Variants in ZNF544 observed in about 807,000 individuals in gnomAD.
The protein encoded by ZNF544 is zinc finger protein AF020591.
Under a neutral mutation model 13.5 loss-of-function variants are expected in ZNF544, and 10 were observed. The ratio of observed to expected loss-of-function variants is 0.74; its 90% CI spans 0.46 to 1.25. The LOEUF (loss-of-function observed/expected upper bound fraction) is 1.25. Among genes scored for constraint, ZNF544 ranks in the 50% most tolerant of loss-of-function variants. The pLI, the probability that ZNF544 is intolerant of heterozygous loss-of-function variation, is 0.00. For missense variants in ZNF544, 896 were observed against 845.6 expected, an observed-to-expected ratio of 1.06 and a Z score of -0.74; for synonymous variants, 323 against 300.5, an observed-to-expected ratio of 1.07 and a Z score of -0.77.
chr19:58,240,232 A>T (rs1252258422), intron 3 of ZNF544, among the ~76,000 whole-genome samples: 1 of 151,650 alleles, frequency 6.6e-6, no homozygotes, highest in African/African-American at 2.4e-5. Context: ...GGTTACAGCC[A>T]GTCAAGGATC....
intron 5 of ZNF544, among the ~76,000 whole-genome samples, chr19:58,269,247 C>A (rs561524415): frequency 1.3e-5 from 2 of 151,848 alleles, no homozygotes; most frequent in South Asian, 4.2e-4. Context: ...CCAGCCTGGC[C>A]GACATTGTGA....
At chr19:58,251,828 T>C (rs2046341726) in intron 6 of ZNF544, among the ~76,000 whole-genome samples, 2 of 152,178 alleles carry the variant, frequency 1.3e-5, no homozygotes, top group Admixed American at 1.3e-4. Flanking sequence ...ATTTTAGAGT[T>C]AGCTAAGCTC....
At chr19:58,271,994 C>G (rs770268665) in intron 5 of ZNF544, among the ~76,000 whole-genome samples, 1 of 151,618 alleles carries the variant, frequency 6.6e-6, no homozygotes, top group Non-Finnish European at 1.5e-5. Context: ...AAACCCTGTC[C>G]CCACTAAAAA....
chr19:58,246,536 T>C (rs2045259309), intron 5 of ZNF544, 109 bp downstream of exon 5: 1 of 1,534,352 alleles, frequency 6.5e-7, no homozygotes, highest in African/African-American at 1.4e-5. Context: ...GCAGGTCCCT[T>C]TCAGGTGCAG....
intron 3 of ZNF544, among the ~76,000 whole-genome samples, chr19:58,241,324 TTGAG>T (rs2043807581): frequency 6.7e-6 from 1 of 150,192 alleles, no homozygotes. Context: ...CTTTGTTCTT[TTGAG>T]TAAGTTTAAT....
rs902896144 is a variant in ZNF544, at chr19:58,260,876, T to C, written c.270T>C (p.Asn90=). The C allele has an allele frequency of 6.2e-6, 10 of 1,607,414 alleles. No individual in the cohort carries two copies. Among genetic ancestry groups the C allele is most frequent in the Admixed American group, 3.4e-5 (2 of 58,498 alleles). Reference sequence around the variant, plus strand: ...ACTGGAAAGCTACCCTTGAGGAGAATAGGTTGAATTCTGAAAAAGATCGAG... The same window carrying C: ...ACTGGAAAGCTACCCTTGAGGAGAACAGGTTGAATTCTGAAAAAGATCGAG... ...PRDWKATLEE[N]RLNSEKDRAR... is the part of the protein sequence containing the mutation. The change falls in exon 7 of 7, where the codon AAT becomes AAC. Residue 90 remains asparagine (N), a synonymous_variant. Coordinates refer to ENST00000687789, the MANE Select transcript of ZNF544 (RefSeq NM_014480.4).
chr19:58,253,356 TG>T (rs2046624203), intron 6 of ZNF544, among the ~76,000 whole-genome samples: 1 of 152,222 alleles, frequency 6.6e-6, no homozygotes, highest in African/African-American at 2.4e-5. Flanking sequence ...ATTTGCTCAC[TG>T]AAAAAAAGCC....
In ZNF544 at chr19:58,261,805, G is replaced by A. The variant is rs768081212; in HGVS notation, c.1199G>A (p.Arg400Lys). Residue 400 changes from arginine to lysine, a missense_variant, in exon 7 of 7, where the codon AGG (arginine) becomes AAG (lysine). By Grantham distance (26) the Arg-to-Lys change is conservative. Coordinates refer to ENST00000687789, the MANE Select transcript of ZNF544 (RefSeq NM_014480.4). ...SQSYDLVIHQ[R>K]THTGEKPYEC... ...AGCTATGACCTTGTCATACATCAGA[G>A]GACACACACTGGAGAGAAGCCCTAT... 2 of 1,614,058 alleles carry A rather than the reference G, an allele frequency of 1.2e-6. No individual in the cohort carries two copies. The highest frequency in any genetic ancestry group is 1.7e-6 in the Non-Finnish European group (2 of 1,180,014).
At chr19:58,256,066 A>G (rs940211021) in intron 6 of ZNF544, among the ~76,000 whole-genome samples, 2 of 152,252 alleles carry the variant, frequency 1.3e-5, no homozygotes, top group Non-Finnish European at 2.9e-5. Context: ...CCGGCCAGAA[A>G]CTTACAGTTG....
At position 58,260,868 on chromosome 19, in the gene ZNF544, G is replaced by T; in HGVS notation, c.262G>T (p.Glu88Ter). The T allele has an allele frequency of 1.9e-6, 3 of 1,601,490 alleles. No individual in the cohort carries two copies. Among genetic ancestry groups the T allele is most frequent in the Non-Finnish European group, 2.6e-6 (3 of 1,174,228 alleles). The stretch of plus-strand genomic sequence containing the variant: ...TCTTTCAGACTGGAAAGCTACCCTT[G>T]AGGAGAATAGGTTGAATTCTGAAAA... Reference protein sequence around the residue: ...EAPRDWKATLEENRLNSEKDR... With the variant: ...EAPRDWKATL Residue 88 changes from glutamate to a stop codon, truncating the protein, a stop_gained, in exon 7 of 7, where the codon GAG (glutamate) becomes TAG (stop). Transcript: ENST00000687789. LOFTEE classifies it low-confidence loss of function (END_TRUNC).
intron 6 of ZNF544, chr19:58,257,440 G>GACCA (rs2047740989): frequency 6.6e-6 from 1 of 152,210 alleles, no homozygotes; most frequent in African/African-American, 2.4e-5. Flanking sequence ...AGTGGCCCAT[G>GACCA]ACCAGTCTGA....
chr19:58,242,594 A>G (rs1482951813), intron 3 of ZNF544, among the ~76,000 whole-genome samples: 2 of 151,824 alleles, frequency 1.3e-5, no homozygotes, highest in South Asian at 2.1e-4. Flanking sequence ...GCTCACTGCA[A>G]CCTTGACCTC....
In ZNF544 at chr19:58,246,691, C is replaced by G. The variant is rs772127184; in HGVS notation, c.161-20C>G. 6.2e-7 allele frequency: 1 copy of G among 1,613,182 alleles called. No individual in the cohort carries two copies. The highest frequency in any genetic ancestry group is 1.1e-5 in the South Asian group (1 of 90,984). ...TGGTGTCCAAGCAGAGGGGCAAGTCCTTTTTCCGTCTTTGACCAGGGCTTT... is the reference window on the plus strand; with the variant it reads ...TGGTGTCCAAGCAGAGGGGCAAGTCGTTTTTCCGTCTTTGACCAGGGCTTT... On this transcript the variant is annotated intron_variant, in intron 5 of 6. Coordinates refer to ENST00000687789, the MANE Select transcript of ZNF544 (RefSeq NM_014480.4).
intron 3 of ZNF544, among the ~76,000 whole-genome samples, chr19:58,239,074 A>C (rs1484853359): frequency 6.6e-6 from 1 of 152,140 alleles, no homozygotes; most frequent in African/African-American, 2.4e-5. Flanking sequence ...TGGTGAAAAT[A>C]AACAGGGCTG....
At chr19:58,255,599 C>T (rs909718140) in intron 6 of ZNF544, among the ~76,000 whole-genome samples, 13 of 145,658 alleles carry the variant, frequency 8.9e-5, no homozygotes, top group African/African-American at 3.3e-4. Context: ...GCTTGTGGAT[C>T]CCAAAGGTCT....
chr19:58,231,031 G>C (rs1440630604), intron 3 of ZNF544, among the ~76,000 whole-genome samples: 1 of 152,178 alleles, frequency 6.6e-6, no homozygotes, highest in Non-Finnish European at 1.5e-5. Context: ...TAGTGACTGA[G>C]TGGATACTGG....
intron 2 of ZNF544, 48 bp from the exon 3 acceptor site, chr19:58,230,346 A>G (rs955995500): frequency 2.0e-5 from 3 of 152,234 alleles, no homozygotes; most frequent in African/African-American, 7.2e-5. Flanking sequence ...ATGCAACTCA[A>G]TTAATTCTTT....
rs76204421 is a variant in ZNF544 at position 58,271,684 on chromosome 19, T to G, written c.245-4639T>G. 5.5e-4 allele frequency among the ~76,000 whole-genome samples: 84 copies of G among 152,262 alleles called. No homozygotes were observed. The East Asian group carries it at 0.015, about 28-fold the overall frequency. On this transcript the variant is annotated intron_variant, in intron 5 of 6. Coordinates refer to the ZNF544 transcript ENST00000595981. ...ACTTTCCCTTTTAAGCCCATAGCATTTAATTCCCTGGTGGTTCACTTCTTA... is the reference window on the plus strand; with the variant it reads ...ACTTTCCCTTTTAAGCCCATAGCATGTAATTCCCTGGTGGTTCACTTCTTA...
downstream of ZNF544, among the ~76,000 whole-genome samples, chr19:58,265,730 C>A (rs1302248704): frequency 2.0e-5 from 3 of 151,966 alleles, no homozygotes; most frequent in Non-Finnish European, 4.4e-5. Flanking sequence ...TAGCTGGGAC[C>A]ATAGGCATGT....
Sources: allele counts gnomAD v4.1 joint callset (sites outside exome capture counted in the v4.1 genomes callset), GRCh38; gene constraint gnomAD v4.1.1; transcripts MANE v1.5; gene names NCBI Gene and HGNC (gene_info 2026-07-23, HGNC 2026-07-21).